The following OPCML variants were observed in gnomAD, a reference collection of about 807,000 sequenced individuals.
OPCML encodes opioid binding protein/cell adhesion molecule like, also known as opioid-binding protein/cell adhesion molecule.
OPCML carries 13 observed loss-of-function variants against 37.8 expected under a neutral mutation model. The observed-to-expected ratio is 0.34, with a 90% CI of 0.22 to 0.55. The LOEUF (loss-of-function observed/expected upper bound fraction) is 0.55, where lower values mean the gene tolerates loss of function less well. Among genes scored for constraint, OPCML ranks in the 20% least tolerant of loss-of-function variants. OPCML has a pLI of 0.91. For missense variants in OPCML, 341 were observed against 435.6 expected, an observed-to-expected ratio of 0.78 and a Z score of 1.93; for synonymous variants, 176 against 168.8, an observed-to-expected ratio of 1.04 and a Z score of -0.33.
chr11:133,239,852 G>A (rs573950714), intron 1 of OPCML, among the ~76,000 whole-genome samples: 13 of 152,316 alleles, frequency 8.5e-5, no homozygotes, highest in Non-Finnish European at 1.2e-4. Flanking sequence ...CCACCACCAG[G>A]TAGGGGCTGG....
At chr11:133,308,455 G>C (rs1942983315) in intron 1 of OPCML, among the ~76,000 whole-genome samples, 1 of 152,120 alleles carries the variant, frequency 6.6e-6, no homozygotes, top group African/African-American at 2.4e-5. Context: ...AAGGAGAGGT[G>C]ACTAGAATAA....
intron 1 of OPCML, among the ~76,000 whole-genome samples, chr11:133,249,383 C>T (rs1279636046): frequency 2.0e-5 from 3 of 152,126 alleles, no homozygotes; most frequent in Non-Finnish European, 4.4e-5. Flanking sequence ...CTCACTAATG[C>T]AAGGAGGATG....
intron 1 of OPCML, among the ~76,000 whole-genome samples, chr11:133,412,326 C>A (rs973747894): frequency 1.3e-5 from 2 of 152,174 alleles, no homozygotes; most frequent in Admixed American, 6.5e-5. Context: ...GAATCAATAC[C>A]CAGACCTCAC....
intron 1 of OPCML, among the ~76,000 whole-genome samples, chr11:133,259,793 C>G (rs927102864): frequency 7.9e-5 from 12 of 152,156 alleles, no homozygotes; most frequent in African/African-American, 2.9e-4. Context: ...GGACATCAAT[C>G]AATGCTCTAT....
chr11:133,214,779 C>T (rs1244572823), intron 1 of OPCML, among the ~76,000 whole-genome samples: 2 of 152,108 alleles, frequency 1.3e-5, no homozygotes, highest in Admixed American at 6.5e-5. Context: ...TTTTTCCTCT[C>T]GGTTTATGAC....
At chr11:132,593,929 C>T (rs1406956330) in intron 3 of OPCML, among the ~76,000 whole-genome samples, 2 of 152,116 alleles carry the variant, frequency 1.3e-5, no homozygotes. Context: ...AAGAGTGCAG[C>T]AAGTGTGTAA....
intron 2 of OPCML, chr11:132,810,676 G>C (rs1192553530): frequency 6.6e-6 from 1 of 152,226 alleles, no homozygotes; most frequent in Non-Finnish European, 1.5e-5. Context: ...GGTTGATGGA[G>C]CGAGACTCCA....
intron 3 of OPCML, among the ~76,000 whole-genome samples, chr11:132,594,508 C>T (rs996404172): frequency 6.6e-6 from 1 of 151,950 alleles, no homozygotes; most frequent in Non-Finnish European, 1.5e-5. Flanking sequence ...TTTAAAATTA[C>T]CATTTACATT....
intron 1 of OPCML, among the ~76,000 whole-genome samples, chr11:133,131,956 ATT>A (rs1366530207): frequency 6.6e-6 from 1 of 152,208 alleles, no homozygotes; most frequent in African/African-American, 2.4e-5. Context: ...ATATACAAAA[ATT>A]AACTTAAAAT....
At chr11:133,043,207 C>T (rs1426038657) in intron 1 of OPCML, among the ~76,000 whole-genome samples, 1 of 152,104 alleles carries the variant, frequency 6.6e-6, no homozygotes, top group African/African-American at 2.4e-5. Flanking sequence ...GCAGAGAGAG[C>T]CCAGCTGGGA....
At chr11:132,664,962 G>C (rs1328988553) in intron 2 of OPCML, among the ~76,000 whole-genome samples, 1 of 152,164 alleles carries the variant, frequency 6.6e-6, no homozygotes, top group Non-Finnish European at 1.5e-5. Flanking sequence ...TAGTGCAACG[G>C]GTTGACTTTG....
At chr11:132,759,128 C>A (rs1352456332) in intron 2 of OPCML, among the ~76,000 whole-genome samples, 1 of 152,084 alleles carries the variant, frequency 6.6e-6, no homozygotes, top group Admixed American at 6.6e-5. Flanking sequence ...GTTGAACCAG[C>A]CTTGCATACC....
intron 1 of OPCML, among the ~76,000 whole-genome samples, chr11:133,184,102 G>A (rs1395172833): frequency 6.6e-6 from 1 of 152,206 alleles, no homozygotes; most frequent in Non-Finnish European, 1.5e-5. Context: ...CCTGCAGCAA[G>A]AGGGTTCAAA....
At chr11:133,195,568 A>G (rs934705581) in intron 1 of OPCML, among the ~76,000 whole-genome samples, 2 of 152,246 alleles carry the variant, frequency 1.3e-5, no homozygotes, top group African/African-American at 4.8e-5. Flanking sequence ...TTCTGCCATC[A>G]ATCACACAGT....
chr11:133,468,292 G>A (rs1947022285), intron 1 of OPCML, among the ~76,000 whole-genome samples: 1 of 152,196 alleles, frequency 6.6e-6, no homozygotes, highest in African/African-American at 2.4e-5. Context: ...AAAGGCAGGT[G>A]CTCAAACGTG....
At chr11:133,487,775 TTG>T (rs10625092) in intron 1 of OPCML, among the ~76,000 whole-genome samples, 11,176 of 146,988 alleles carry the variant, frequency 0.076, 413 homozygotes, top group South Asian at 0.14. Context: ...TACTCTGTGT[TTG>T]TGTGTGTGTG....
intron 4 of OPCML, among the ~76,000 whole-genome samples, chr11:132,528,349 T>C (rs1176809741): frequency 6.6e-6 from 1 of 152,198 alleles, no homozygotes; most frequent in African/African-American, 2.4e-5. Context: ...CTTGTATAAT[T>C]CCTAGACTTA....
At chr11:132,450,043 A>G (rs796715294) in intron 4 of OPCML, among the ~76,000 whole-genome samples, 8 of 152,218 alleles carry the variant, frequency 5.3e-5, no homozygotes, top group African/African-American at 1.9e-4. Flanking sequence ...TGGAGCCTTG[A>G]GCATGCTGTG....
At chr11:132,511,668 C>A (rs939064443) in intron 4 of OPCML, among the ~76,000 whole-genome samples, 2 of 152,078 alleles carry the variant, frequency 1.3e-5, no homozygotes, top group South Asian at 4.2e-4. Flanking sequence ...ATGTTTTCCA[C>A]AGATGCTTTT....
Sources: gnomAD v4.1 joint callset for allele counts (sites outside exome capture counted in the v4.1 genomes callset) on GRCh38, gnomAD v4.1.1 for gene constraint, MANE v1.5 for transcripts, NCBI Gene and HGNC (gene_info 2026-07-23, HGNC 2026-07-21) for gene names.